COL5A1: variants seen among roughly 807,000 people sequenced by gnomAD.
COL5A1 encodes collagen alpha-1(V) chain.
A neutral mutation model predicts 263.7 loss-of-function variants in COL5A1; 16 were observed. The ratio of observed to expected loss-of-function variants is 0.06; its 90% CI spans 0.04 to 0.09. COL5A1 has a LOEUF of 0.09. Ranked by LOEUF, COL5A1 falls within the 10% of genes least tolerant of loss-of-function variation. The probability of loss-of-function intolerance (pLI) is 1.00; values close to 1 mark genes in which losing one functional copy is unlikely to be tolerated. For synonymous variants in COL5A1, 1,012 were observed against 1,004.5 expected (o/e 1.01, Z -0.14); for missense variants, 2,036 against 2,540.5 (o/e 0.80, Z 4.27).
intron 32 of COL5A1, among the ~76,000 whole-genome samples, chr9:134,792,033 C>G (rs1837707245): frequency 6.6e-6 from 1 of 152,164 alleles, no homozygotes; most frequent in Non-Finnish European, 1.5e-5. Flanking sequence ...TTGCTGAGCC[C>G]TGCAGGAGGG....
At chr9:134,792,882 CGT>C (rs1294062577) in intron 32 of COL5A1, among the ~76,000 whole-genome samples, 20 of 30,504 alleles carry the variant, frequency 6.6e-4, no homozygotes, top group African/African-American at 1.8e-3. Flanking sequence ...TTTGTGCACA[CGT>C]GTGTGTGCGC....
intron 4 of COL5A1, among the ~76,000 whole-genome samples, chr9:134,710,006 C>A (rs1047874481): frequency 5.3e-5 from 8 of 152,248 alleles, no homozygotes; most frequent in African/African-American, 1.9e-4. Context: ...GGCTGACGGG[C>A]GAGGGGGCCC....
chr9:134,737,102 G>T (rs1835128074), intron 9 of COL5A1, among the ~76,000 whole-genome samples: 2 of 152,192 alleles, frequency 1.3e-5, no homozygotes, highest in Admixed American at 1.3e-4. Flanking sequence ...CACTTCCATA[G>T]ATCCACCAGG....
At chr9:134,766,337 G>A (rs1478370720) in intron 21 of COL5A1, 117 bp from the exon 22 acceptor site, 8 of 978,398 alleles carry the variant, frequency 8.2e-6, no homozygotes, top group Admixed American at 2.0e-5. Context: ...AGAGCATCCC[G>A]TCCTCTGATT....
At chr9:134,767,468 C>A in intron 24 of COL5A1, 114 bp downstream of exon 24, 2 of 975,160 alleles carry the variant, frequency 2.1e-6, no homozygotes, top group Non-Finnish European at 3.2e-6. Flanking sequence ...TCTTGGTGCT[C>A]CCAAGAGACG....
rs937622237 is a variant in COL5A1, at chr9:134,682,270, G to A, written c.110-8642G>A. Reference sequence around the variant, plus strand: ...TGCCAGGGACCCAGCCTAGTGCCTCGCCTTCCCCCAGCCATGCTGCCTGGA... The same window carrying A: ...TGCCAGGGACCCAGCCTAGTGCCTCACCTTCCCCCAGCCATGCTGCCTGGA... On this transcript the variant is annotated intron_variant, in intron 1 of 65. Transcript: ENST00000371817. This position sits in a 1 kb window ranked among gnomAD's most constrained non-coding sequence, Gnocchi z 5.1. Among the ~76,000 whole-genome samples, 3 of 152,218 alleles carry A rather than the reference G, an allele frequency of 2.0e-5. No homozygotes were observed. The highest frequency in any genetic ancestry group is 7.2e-5 in the African/African-American group (3 of 41,540).
At chr9:134,829,313 G>GCTC (rs1215152615) in intron 63 of COL5A1, among the ~76,000 whole-genome samples, 111 of 148,338 alleles carry the variant, frequency 7.5e-4, no homozygotes, top group African/African-American at 2.8e-3. Context: ...CTGGGGCCAG[G>GCTC]CTCCTCACAC....
rs1368730736 is a variant in COL5A1 at position 134,818,313 on chromosome 9, C to CCCGGCCTGGCACTGTCTGCCT, written c.4231-340_4231-320dup. The stretch of plus-strand genomic sequence containing the variant: ...TATTCTGTCAGTGAGGTGATGGCGG[C>CCCGGCCTGGCACTGTCTGCCT]CCGGCCTGGCACTGTCTGCCTCCCT... On this transcript the variant is annotated intron_variant, in intron 54 of 65. Coordinates refer to ENST00000371817, the MANE Select transcript of COL5A1 (RefSeq NM_000093.5). The surrounding 1 kb of genome is among the most constrained non-coding windows in gnomAD (Gnocchi z 6.0). Among the ~76,000 whole-genome samples, 1 of 152,296 alleles carries CCCGGCCTGGCACTGTCTGCCT rather than the reference C, an allele frequency of 6.6e-6. No individual in the cohort carries two copies. Among genetic ancestry groups the CCCGGCCTGGCACTGTCTGCCT allele is most frequent in the African/African-American group, 2.4e-5 (1 of 41,562 alleles).
chr9:134,646,738 C>T (rs1831488802), intron 1 of COL5A1, among the ~76,000 whole-genome samples: 1 of 152,074 alleles, frequency 6.6e-6, no homozygotes, highest in South Asian at 2.1e-4. Flanking sequence ...GATGTGGGGG[C>T]CTCTGGGGGT....
chr9:134,817,441 G>A (rs947382083), intron 53 of COL5A1, among the ~76,000 whole-genome samples: 2 of 152,352 alleles, frequency 1.3e-5, no homozygotes, highest in East Asian at 3.9e-4. Context: ...ACTTGCTGGT[G>A]GGGCAGTAAA....
rs900203007 is a variant in COL5A1, at chr9:134,820,378, C to T, written c.4554+155C>T. Among the ~76,000 whole-genome samples, 32 of 152,192 alleles carry T rather than the reference C, an allele frequency of 2.1e-4. 2 individuals are homozygous for T. The highest frequency in any genetic ancestry group is 8.5e-4 in the Admixed American group (13 of 15,286). ...CCTGCTTGGCAGATGGGAACACTGA[C>T]GGGCTGGGCTTGCCCAGGTGCACAG... is the stretch of plus-strand genomic sequence containing the variant. On this transcript the variant is annotated intron_variant, in intron 58 of 65. Transcript: ENST00000371817.
At chr9:134,785,180 G>A (rs1837411119) in intron 30 of COL5A1, 84 bp downstream of exon 30, 5 of 1,068,122 alleles carry the variant, frequency 4.7e-6, no homozygotes. Flanking sequence ...CGTTGGCTGT[G>A]GCTGCCCTAG....
intron 27 of COL5A1, among the ~76,000 whole-genome samples, chr9:134,778,914 C>T (rs1000839137): frequency 4.6e-5 from 7 of 152,266 alleles, no homozygotes; most frequent in Non-Finnish European, 1.0e-4. Context: ...TCTGCAGTTA[C>T]ATCCGCAGCT....
chr9:134,673,898 G>C (rs1832615482), intron 1 of COL5A1, among the ~76,000 whole-genome samples: 1 of 152,120 alleles, frequency 6.6e-6, no homozygotes, highest in Non-Finnish European at 1.5e-5. Flanking sequence ...CTTAAAACTG[G>C]GCAGAAGATT....
chr9:134,650,354 A>G (rs1216505931), intron 1 of COL5A1, among the ~76,000 whole-genome samples: 3 of 152,090 alleles, frequency 2.0e-5, no homozygotes, highest in Admixed American at 1.3e-4. Context: ...CTGGGGGACC[A>G]GCACTCTTTC....
At chr9:134,810,351 G>C in intron 44 of COL5A1, 43 bp downstream of exon 44, 2 of 1,601,378 alleles carry the variant, frequency 1.2e-6, no homozygotes, top group Admixed American at 3.3e-5. Flanking sequence ...CCAGGTCCCG[G>C]GGGGCCTCGT....
At position 134,732,188 on chromosome 9, in the gene COL5A1, G is replaced by A; in HGVS notation, c.1389+61G>A. The A allele has an allele frequency of 2.5e-6, 4 of 1,570,984 alleles. No homozygotes were observed. In the Middle Eastern group the frequency reaches 5.6e-4, roughly 219 times the overall value. On this transcript the variant is annotated intron_variant, in intron 9 of 65. Coordinates refer to ENST00000371817, the MANE Select transcript of COL5A1 (RefSeq NM_000093.5). Reference sequence around the variant, plus strand: ...GTGTCCGCTGCTCGGGGTCACAGCGGGGTGTGTAGGGTGTGAACAGGTCCG... The same window carrying A: ...GTGTCCGCTGCTCGGGGTCACAGCGAGGTGTGTAGGGTGTGAACAGGTCCG...
In COL5A1 at chr9:134,741,688, C is replaced by T. The variant is rs1432654692; in HGVS notation, c.1494+2880C>T. Among the ~76,000 whole-genome samples the T allele has an allele frequency of 1.3e-5, 2 of 152,086 alleles. No homozygotes were observed. The highest frequency in any genetic ancestry group is 2.4e-5 in the African/African-American group (1 of 41,406). ...GTAAGAGAACTCTTCTTGCGTCCGT[C>T]GATTCTTACTTGGCTTCAGCAGAAA... On this transcript the variant is annotated intron_variant, in intron 11 of 65. Transcript: ENST00000371817. The surrounding 1 kb of genome is among the most constrained non-coding windows in gnomAD (Gnocchi z 4.5).
intron 63 of COL5A1, among the ~76,000 whole-genome samples, chr9:134,829,438 C>T (rs1387968196): frequency 1.3e-5 from 2 of 148,802 alleles, no homozygotes; most frequent in African/African-American, 5.0e-5. Flanking sequence ...AGGGCTGGGG[C>T]CAGGCTCATC....
Sources: gnomAD v4.1 joint callset for allele counts (sites outside exome capture counted in the v4.1 genomes callset) on GRCh38, gnomAD v4.1.1 for gene constraint, Gnocchi (gnomAD v3.1) non-coding constraint, MANE v1.5 for transcripts, NCBI Gene and HGNC (gene_info 2026-07-23, HGNC 2026-07-21) for gene names.